KLHL12: variants seen among roughly 807,000 people sequenced by gnomAD.
KLHL12 encodes kelch-like protein 12.
Under a neutral mutation model 60.8 loss-of-function variants are expected in KLHL12, and 17 were observed. That is an observed-to-expected ratio of 0.28 (90% CI 0.19 to 0.42). KLHL12 has a LOEUF of 0.42. Among genes scored for constraint, KLHL12 ranks in the 10% least tolerant of loss-of-function variants. The probability of loss-of-function intolerance (pLI) is 1.00; values close to 1 mark genes in which losing one functional copy is unlikely to be tolerated. For missense variants in KLHL12, 468 were observed against 722.3 expected, an observed-to-expected ratio of 0.65 and a Z score of 4.04; for synonymous variants, 220 against 250.9, an observed-to-expected ratio of 0.88 and a Z score of 1.16.
intron 6 of KLHL12, among the ~76,000 whole-genome samples, chr1:202,900,818 C>T (rs148372216): frequency 0.011 from 1,713 of 152,140 alleles, 27 homozygotes; most frequent in African/African-American, 0.038. Context: ...GAGCAGAGAT[C>T]GCACCACTGC....
At chr1:202,920,027 T>C (rs1405576375) in intron 2 of KLHL12, 119 bp from the exon 3 acceptor site, 3 of 984,600 alleles carry the variant, frequency 3.0e-6, no homozygotes, top group African/African-American at 3.3e-5. Flanking sequence ...TCTTTAAAAA[T>C]TACAGGCCAG....
At chr1:202,915,697 C>T (rs762871580) in intron 4 of KLHL12, among the ~76,000 whole-genome samples, 2 of 152,210 alleles carry the variant, frequency 1.3e-5, no homozygotes, top group African/African-American at 2.4e-5. Context: ...TGGAGCCAGA[C>T]TACTCGAATT....
intron 6 of KLHL12, among the ~76,000 whole-genome samples, chr1:202,907,309 A>G (rs1328496927): frequency 6.6e-6 from 1 of 152,180 alleles, no homozygotes; most frequent in Non-Finnish European, 1.5e-5. Flanking sequence ...ATTAAAAAAT[A>G]TAGGAGAGGG....
At chr1:202,923,488 G>C (rs1000236243) in intron 2 of KLHL12, among the ~76,000 whole-genome samples, 1 of 152,208 alleles carries the variant, frequency 6.6e-6, no homozygotes, top group Non-Finnish European at 1.5e-5. Flanking sequence ...CCATGTGACT[G>C]AGCATTGGCT....
At chr1:202,901,775 T>C (rs1557988899) in intron 6 of KLHL12, among the ~76,000 whole-genome samples, 1 of 152,220 alleles carries the variant, frequency 6.6e-6, no homozygotes, top group Non-Finnish European at 1.5e-5. Context: ...ACAGAGCTTT[T>C]GATAACTATG....
rs759526552 is a variant in KLHL12, at chr1:202,894,320, C to A, written c.1295-38G>T. ...GACCATTCCAGAAAGAGTGGTAAAT[C>A]CTCATGCCCATTCCTGGTCGGTTTT... is the stretch of plus-strand genomic sequence containing the variant. On this transcript the variant is annotated intron_variant, in intron 9 of 11. Transcript: ENST00000367261. 11 of 1,371,578 alleles carry A rather than the reference C, an allele frequency of 8.0e-6. No individual in the cohort carries two copies. The East Asian group carries it at 9.9e-5, about 12-fold the overall frequency. 85.0% of individuals were successfully genotyped at this position (1,371,578 alleles called of 1,614,324 possible).
Position 202,918,176 on chromosome 1 carries a change from T to C in KLHL12, c.562A>G (p.Ile188Val), listed in dbSNP as rs768323824. ...EVEKLIKCDE[I>V]QVDSEEPVFE... ...ACATCAAGACAAATCCGTACCTGAA[T>C]TTCGTCGCACTTGATTAGCTTTTCC... Residue 188 changes from isoleucine to valine, a missense_variant, in exon 4 of 12, where the codon ATT (isoleucine) becomes GTT (valine). Physicochemically the swap from Ile to Val is conservative, Grantham distance 29. Coordinates refer to ENST00000367261, the MANE Select transcript of KLHL12 (RefSeq NM_021633.4). 3 of 1,611,902 alleles carry C rather than the reference T, an allele frequency of 1.9e-6. No homozygotes were observed. The highest frequency in any genetic ancestry group is 2.5e-6 in the Non-Finnish European group (3 of 1,178,048).
upstream of KLHL12, among the ~76,000 whole-genome samples, chr1:202,928,098 C>A (rs1653704428): frequency 6.6e-6 from 1 of 151,212 alleles, no homozygotes; most frequent in South Asian, 2.1e-4. Flanking sequence ...CACGGTGAAA[C>A]CCCGTCTCCA....
At chr1:202,922,643 C>T (rs537822662) in intron 2 of KLHL12, among the ~76,000 whole-genome samples, 3 of 151,766 alleles carry the variant, frequency 2.0e-5, no homozygotes, top group South Asian at 2.1e-4. Flanking sequence ...CCCGCCACCA[C>T]GCACGGCTAA....
intron 4 of KLHL12, among the ~76,000 whole-genome samples, chr1:202,916,902 C>A (rs1232873016): frequency 6.7e-6 from 1 of 150,304 alleles, no homozygotes; most frequent in Non-Finnish European, 1.5e-5. Flanking sequence ...TGAGCTCAGA[C>A]ATCCAGGCTG....
At chr1:202,906,669 T>A (rs928761115) in intron 6 of KLHL12, among the ~76,000 whole-genome samples, 115 of 152,140 alleles carry the variant, frequency 7.6e-4, no homozygotes, top group African/African-American at 2.4e-3. Context: ...TTAATTAATT[T>A]ATTTATTTTT....
At chr1:202,928,283 AAAAAAG>A (rs1419180982), upstream of KLHL12, among the ~76,000 whole-genome samples, 308 of 151,172 alleles carry the variant, frequency 2.0e-3, no homozygotes, top group Middle Eastern at 3.4e-3. Flanking sequence ...TCAAAAAAAA[AAAAAAG>A]AAAAAAGAAA....
intron 9 of KLHL12, 38 bp downstream of exon 9, chr1:202,894,553 T>C (rs1444123507): frequency 5.6e-6 from 9 of 1,609,046 alleles, no homozygotes; most frequent in African/African-American, 4.0e-5. Context: ...CCATTACCCA[T>C]TGAGTTCCCT....
rs1174669429 is a variant in KLHL12 at position 202,927,198 on chromosome 1, C to CCCGGAGGCT, written c.-164_-156dup. The CCCGGAGGCT allele has an allele frequency of 3.3e-4, 325 of 985,122 alleles. No homozygotes were observed. The African/African-American group carries it at 4.5e-3, about 13-fold the overall frequency. The allele number at this position is 985,122 out of a possible 1,614,324, so 61.0% of individuals were successfully genotyped here. On this transcript the variant is annotated 5_prime_UTR_variant, in exon 1 of 12. Transcript: ENST00000367261. Reference sequence around the variant, plus strand: ...GGGAGGAGCCGAAGCGCCGCCCAGACCCGGAGGCTCTGGAGGCTCTGGAGC... The same window carrying CCCGGAGGCT: ...GGGAGGAGCCGAAGCGCCGCCCAGACCCGGAGGCTCCGGAGGCTCTGGAGGCTCTGGAGC...
rs923212124 is a variant in KLHL12 at position 202,897,085 on chromosome 1, C to T, written c.833-125G>A. 9.4e-5 allele frequency: 71 copies of T among 752,184 alleles called. No individual in the cohort carries two copies. The highest frequency in any genetic ancestry group is 2.3e-4 in the Middle Eastern group (1 of 4,264). The allele number at this position is 752,184 out of a possible 1,614,324, so 46.6% of individuals were successfully genotyped here. On this transcript the variant is annotated intron_variant, in intron 6 of 11. Transcript: ENST00000367261. ...TTTTATGTGGCTGAGGGATGCAATC[C>T]GAAATGGGAGATAATCATAAGGCTG...
In KLHL12 at chr1:202,894,194, G is replaced by C. The variant is rs1225162037; in HGVS notation, c.1383C>G (p.Thr461=). ...GHWTNVTPMA[T]KRSGAGVALL... is the part of the protein sequence containing the mutation. Reference sequence around the variant, plus strand: ...CAGATCTGGTCTTACCAGAACGCTTGGTGGCCATTGGTGTAACATTAGTCC... The same window carrying C: ...CAGATCTGGTCTTACCAGAACGCTTCGTGGCCATTGGTGTAACATTAGTCC... Residue 461 remains threonine, a synonymous_variant, in exon 10 of 12, where the codon ACC becomes ACG. Transcript: ENST00000367261. 1.1e-5 allele frequency: 17 copies of C among 1,548,784 alleles called. No homozygotes were observed. Among genetic ancestry groups the C allele is most frequent in the East Asian group, 2.4e-5 (1 of 41,548 alleles).
chr1:202,902,945 C>T lies in KLHL12; in HGVS notation c.833-5985G>A, dbSNP rs182427470. Among the ~76,000 whole-genome samples, 83 of 151,944 alleles carry T rather than the reference C, an allele frequency of 5.5e-4. 1 individual carries two copies. The highest frequency in any genetic ancestry group is 8.7e-4 in the Non-Finnish European group (59 of 67,962). On this transcript the variant is annotated intron_variant, in intron 6 of 11. Coordinates refer to ENST00000367261, the MANE Select transcript of KLHL12 (RefSeq NM_021633.4). ...TCCAGGAAGTGGACGCTGCAGTGAG[C>T]CAAAATCATGCCATTGCACTATAGT...
chr1:202,914,088 A>G (rs1027748737), intron 4 of KLHL12, among the ~76,000 whole-genome samples: 4 of 152,208 alleles, frequency 2.6e-5, no homozygotes, highest in African/African-American at 9.6e-5. Context: ...TAAAATATGA[A>G]GCTGGAGAGT....
In KLHL12 at chr1:202,909,080, TTCA is replaced by T; in HGVS notation, c.759_761del (p.Asp253del). 1 of 1,614,046 alleles carries T rather than the reference TTCA, an allele frequency of 6.2e-7. No individual in the cohort carries two copies. The highest frequency in any genetic ancestry group is 8.5e-7 in the Non-Finnish European group (1 of 1,179,956). On this transcript the variant is annotated inframe_deletion, in exon 6 of 12. Coordinates refer to ENST00000367261, the MANE Select transcript of KLHL12 (RefSeq NM_021633.4). The surrounding 1 kb of genome is among the most constrained non-coding windows in gnomAD (Gnocchi z 4.1). Reference sequence around the variant, plus strand: ...CAGGCCTCAGATGAAACTTCTTTGCTTCATCAACCAGATCCCTGCATTGTAAAC... The same window carrying T: ...CAGGCCTCAGATGAAACTTCTTTGCTTCAACCAGATCCCTGCATTGTAAAC...
Sources: gnomAD v4.1 joint callset for allele counts (sites outside exome capture counted in the v4.1 genomes callset) on GRCh38, gnomAD v4.1.1 for gene constraint, Gnocchi (gnomAD v3.1) non-coding constraint, MANE v1.5 for transcripts, NCBI Gene and HGNC (gene_info 2026-07-23, HGNC 2026-07-21) for gene names.